SUPT3H: variants seen among roughly 807,000 people sequenced by gnomAD.
SUPT3H encodes SPT3 homolog, SAGA and STAGA complex component.
A neutral mutation model predicts 44.3 loss-of-function variants in SUPT3H; 44 were observed. That is an observed-to-expected ratio of 0.99 (90% CI 0.78 to 1.28). The LOEUF (loss-of-function observed/expected upper bound fraction) is 1.28, where lower values mean the gene tolerates loss of function less well. Among genes scored for constraint, SUPT3H ranks in the 50% most tolerant of loss-of-function variants. The probability of loss-of-function intolerance (pLI) is 0.00; values close to 1 mark genes in which losing one functional copy is unlikely to be tolerated. For missense variants in SUPT3H, 380 were observed against 387.1 expected (o/e 0.98, Z 0.15); for synonymous variants, 124 against 125.6 (o/e 0.99, Z 0.09).
chr6:45,115,628 C>A (rs190749174), intron 2 of SUPT3H, among the ~76,000 whole-genome samples: 1 of 151,972 alleles, frequency 6.6e-6, no homozygotes, highest in African/African-American at 2.4e-5. Context: ...AACTTAAGGA[C>A]TTTAGTGAGA....
intron 2 of SUPT3H, among the ~76,000 whole-genome samples, chr6:45,258,787 T>C (rs1290348957): frequency 6.6e-6 from 1 of 152,056 alleles, no homozygotes; most frequent in Non-Finnish European, 1.5e-5. Flanking sequence ...AAAACTTGAG[T>C]TATGTGGAAT....
intron 2 of SUPT3H, among the ~76,000 whole-genome samples, chr6:45,246,080 A>C (rs992740559): frequency 1.3e-5 from 2 of 152,088 alleles, no homozygotes; most frequent in Non-Finnish European, 2.9e-5. Context: ...TCTTTGGAGA[A>C]TGTTTATTCA....
At chr6:45,143,130 C>G (rs972725662) in intron 2 of SUPT3H, among the ~76,000 whole-genome samples, 1 of 152,120 alleles carries the variant, frequency 6.6e-6, no homozygotes, top group Non-Finnish European at 1.5e-5. Flanking sequence ...CAATACTCCA[C>G]TGACAGCACT....
In SUPT3H at chr6:44,991,611, G is replaced by A. The variant is rs574930675; in HGVS notation, c.504+12042C>T. On this transcript the variant is annotated intron_variant, in intron 6 of 10. Transcript: ENST00000371459. ...CTCAGCTCACTGCAACCTCCGCCTT[G>A]TGGGTTCAAGCGTTAATCCAAAATT... is the stretch of plus-strand genomic sequence containing the variant. Among the ~76,000 whole-genome samples, 10 of 152,098 alleles carry A rather than the reference G, an allele frequency of 6.6e-5. No individual in the cohort carries two copies. In the East Asian group the frequency reaches 1.2e-3, roughly 18 times the overall value.
At position 45,279,001 on chromosome 6, in the gene SUPT3H, A is replaced by G. The variant is rs911829852; in HGVS notation, c.101+86200T>C. Among the ~76,000 whole-genome samples the G allele has an allele frequency of 2.6e-5, 4 of 152,328 alleles. No homozygotes were observed. The East Asian group carries it at 5.8e-4, about 22-fold the overall frequency. ...ACATTTGGATAATATTTCTGAAAAAAGTTAAAATAATTCATGAAACCTAAA... is the reference window on the plus strand; with the variant it reads ...ACATTTGGATAATATTTCTGAAAAAGGTTAAAATAATTCATGAAACCTAAA... On this transcript the variant is annotated intron_variant, in intron 2 of 10. Coordinates refer to ENST00000371459, the MANE Select transcript of SUPT3H (RefSeq NM_003599.4).
chr6:45,218,483 A>G (rs1056993392), intron 2 of SUPT3H, among the ~76,000 whole-genome samples: 1 of 152,178 alleles, frequency 6.6e-6, no homozygotes, highest in Non-Finnish European at 1.5e-5. Context: ...TAATCCCAAC[A>G]CTTTGGGAGG....
At chr6:44,921,081 AT>A (rs1357124952) in intron 10 of SUPT3H, among the ~76,000 whole-genome samples, 1 of 152,142 alleles carries the variant, frequency 6.6e-6, no homozygotes, top group Non-Finnish European at 1.5e-5. Flanking sequence ...CCTTTGCTAT[AT>A]TTGGATAACT....
chr6:45,026,235 G>A (rs1785979233), intron 3 of SUPT3H, among the ~76,000 whole-genome samples: 1 of 152,062 alleles, frequency 6.6e-6, no homozygotes, highest in Admixed American at 6.6e-5. Flanking sequence ...TAACCTCAAA[G>A]GTCTTCTCTT....
At chr6:44,962,205 G>A (rs1776130077) in intron 6 of SUPT3H, among the ~76,000 whole-genome samples, 2 of 152,190 alleles carry the variant, frequency 1.3e-5, no homozygotes, top group South Asian at 4.1e-4. Context: ...GATGTTCAAT[G>A]TTAAACAAGA....
intron 10 of SUPT3H, among the ~76,000 whole-genome samples, chr6:44,849,266 G>A (rs902984351): frequency 2.0e-4 from 24 of 117,820 alleles, no homozygotes; most frequent in South Asian, 5.7e-4. Context: ...TCGCTCTGTC[G>A]CCCAGGCTGG....
At chr6:45,188,089 G>A (rs752733323) in intron 2 of SUPT3H, among the ~76,000 whole-genome samples, 2 of 152,214 alleles carry the variant, frequency 1.3e-5, no homozygotes, top group Non-Finnish European at 2.9e-5. Flanking sequence ...TCACTTTGCT[G>A]CCTTCTAAAT....
chr6:45,372,393 A>C (rs1454488821), intron 1 of SUPT3H, among the ~76,000 whole-genome samples: 1 of 152,218 alleles, frequency 6.6e-6, no homozygotes, highest in Admixed American at 6.5e-5. Context: ...ACAAAAGATT[A>C]CTGTTAAACA....
chr6:44,847,958 C>CTTTTTTTTT lies in SUPT3H; in HGVS notation c.913-18110_913-18102dup, dbSNP rs969869912. Among the ~76,000 whole-genome samples, 30 of 58,392 alleles carry CTTTTTTTTT rather than the reference C, an allele frequency of 5.1e-4. 5 individuals are homozygous for CTTTTTTTTT. The highest frequency in any genetic ancestry group is 1.8e-3 in the African/African-American group (26 of 14,616). 38.3% of individuals were successfully genotyped at this position (58,392 alleles called of 152,430 possible). ...CTAGTGTTGACAGTTATCTCTGTGT[C>CTTTTTTTTT]TTTTTTTTTTTTTTTTTTTTTTTTT... On this transcript the variant is annotated intron_variant, in intron 10 of 10. Coordinates refer to ENST00000371459, the MANE Select transcript of SUPT3H (RefSeq NM_003599.4).
At chr6:45,232,862 G>A (rs955965183) in intron 2 of SUPT3H, among the ~76,000 whole-genome samples, 2 of 152,114 alleles carry the variant, frequency 1.3e-5, no homozygotes, top group South Asian at 4.1e-4. Context: ...CACAGCCCTG[G>A]AAAGCTAACC....
intron 10 of SUPT3H, among the ~76,000 whole-genome samples, chr6:44,876,839 A>AAT (rs1777377483): frequency 6.7e-6 from 1 of 148,160 alleles, no homozygotes; most frequent in Admixed American, 6.7e-5. Context: ...TTCAATTGAA[A>AAT]AAAAAAAAAA....
intron 2 of SUPT3H, among the ~76,000 whole-genome samples, chr6:45,227,690 C>T (rs1444690978): frequency 6.6e-6 from 1 of 152,102 alleles, no homozygotes; most frequent in South Asian, 2.1e-4. Context: ...ACACCCAACC[C>T]ACCAGGCAGC....
At chr6:44,811,348 G>A (rs959926797) in intron 11 of SUPT3H, among the ~76,000 whole-genome samples, 3 of 152,172 alleles carry the variant, frequency 2.0e-5, no homozygotes, top group Non-Finnish European at 4.4e-5. Context: ...TGGAGGACAG[G>A]GTTAGCATGC....
At chr6:44,912,287 G>T (rs1331892432) in intron 10 of SUPT3H, among the ~76,000 whole-genome samples, 2 of 152,008 alleles carry the variant, frequency 1.3e-5, no homozygotes, top group East Asian at 3.9e-4. Flanking sequence ...CTGCCTGTGT[G>T]AATTTGCTCA....
chr6:44,963,743 TAA>T (rs1454924415), intron 6 of SUPT3H, among the ~76,000 whole-genome samples: 1 of 152,138 alleles, frequency 6.6e-6, no homozygotes, highest in Non-Finnish European at 1.5e-5. Flanking sequence ...CTCATGCCTA[TAA>T]TCCCAGCACT....
Sources: gnomAD v4.1 joint callset for allele counts (sites outside exome capture counted in the v4.1 genomes callset) on GRCh38, gnomAD v4.1.1 for gene constraint, MANE v1.5 for transcripts, NCBI Gene and HGNC (gene_info 2026-07-23, HGNC 2026-07-21) for gene names.